JAKMIP2: variants seen among roughly 807,000 people sequenced by gnomAD.
The protein encoded by JAKMIP2 is janus kinase and microtubule interacting protein 2.
In JAKMIP2, 25 loss-of-function variants were observed where a neutral mutation model predicts 115.0. That is an observed-to-expected ratio of 0.22 (90% CI 0.16 to 0.30). The LOEUF is 0.30. Among genes scored for constraint, JAKMIP2 ranks in the 10% least tolerant of loss-of-function variants. The pLI, the probability that JAKMIP2 is intolerant of heterozygous loss-of-function variation, is 1.00. For missense variants in JAKMIP2, 642 were observed against 957.6 expected, an observed-to-expected ratio of 0.67 and a Z score of 4.35; for synonymous variants, 334 against 343.6, an observed-to-expected ratio of 0.97 and a Z score of 0.31.
intron 1 of JAKMIP2, among the ~76,000 whole-genome samples, chr5:147,781,357 A>G (rs1184002419): frequency 6.6e-6 from 1 of 152,220 alleles, no homozygotes; most frequent in Non-Finnish European, 1.5e-5. Flanking sequence ...AAATAAAATG[A>G]ATACATTTCA....
chr5:147,642,352 T>C (rs1757920444), intron 7 of JAKMIP2, among the ~76,000 whole-genome samples: 1 of 152,194 alleles, frequency 6.6e-6, no homozygotes, highest in Non-Finnish European at 1.5e-5. Flanking sequence ...CCTAGAAATA[T>C]TGATCAATTT....
chr5:147,688,748 C>T (rs896509933), intron 1 of JAKMIP2, among the ~76,000 whole-genome samples: 7 of 152,126 alleles, frequency 4.6e-5, no homozygotes, highest in African/African-American at 1.4e-4. Flanking sequence ...GCCGGTAAAG[C>T]GTTTCACATG....
At chr5:147,665,448 GA>G (rs542806021) in intron 2 of JAKMIP2, among the ~76,000 whole-genome samples, 41 of 152,278 alleles carry the variant, frequency 2.7e-4, no homozygotes, top group African/African-American at 9.4e-4. Flanking sequence ...CAAGTGATAG[GA>G]ATTTAGTCAT....
chr5:147,758,314 T>C (rs1416460352), intron 1 of JAKMIP2, among the ~76,000 whole-genome samples: 2 of 152,162 alleles, frequency 1.3e-5, no homozygotes, highest in African/African-American at 4.8e-5. Flanking sequence ...TAGTGAGCAA[T>C]AGCTAAATGC....
At chr5:147,643,308 G>T (rs1241159884) in intron 7 of JAKMIP2, among the ~76,000 whole-genome samples, 3 of 152,098 alleles carry the variant, frequency 2.0e-5, no homozygotes, top group Non-Finnish European at 4.4e-5. Context: ...CAGTGGCAGT[G>T]AATCACTTTT....
chr5:147,606,600 C>G (rs928621479), intron 20 of JAKMIP2, among the ~76,000 whole-genome samples: 16 of 152,076 alleles, frequency 1.1e-4, no homozygotes, highest in African/African-American at 3.9e-4. Context: ...GTAGTATGGT[C>G]TGAAGTCAGG....
At chr5:147,716,669 T>A (rs1478040349) in intron 1 of JAKMIP2, among the ~76,000 whole-genome samples, 4 of 149,628 alleles carry the variant, frequency 2.7e-5, no homozygotes, top group Non-Finnish European at 6.0e-5. Flanking sequence ...GTTCATGTCC[T>A]TCGCCCACTT....
intron 10 of JAKMIP2, among the ~76,000 whole-genome samples, chr5:147,638,359 T>A (rs1234675385): frequency 2.6e-5 from 4 of 152,128 alleles, no homozygotes. Flanking sequence ...CTCCTTTTTT[T>A]GGAGGAATCT....
chr5:147,671,916 C>T lies in JAKMIP2; in HGVS notation c.-110G>A. The T allele has an allele frequency of 7.3e-7, 1 of 1,360,846 alleles. No individual in the cohort carries two copies. The highest frequency in any genetic ancestry group is 9.5e-7 in the Non-Finnish European group (1 of 1,048,520). The allele number at this position is 1,360,846 out of a possible 1,614,324, so 84.3% of individuals were successfully genotyped here. ...ATGTCTCAGCATCTACTGTGTGGTG[C>T]TCCTTGGTAAGGTCTCCTCAATCGC... On this transcript the variant is annotated 5_prime_UTR_variant, in exon 2 of 22. Coordinates refer to ENST00000616793, the MANE Select transcript of JAKMIP2 (RefSeq NM_001270941.2).
At chr5:147,608,030 C>T (rs1047727842) in intron 20 of JAKMIP2, among the ~76,000 whole-genome samples, 6 of 152,110 alleles carry the variant, frequency 3.9e-5, no homozygotes, top group African/African-American at 1.4e-4. Flanking sequence ...CCCCCTTTAT[C>T]ATTTTTTATT....
At chr5:147,627,261 G>C (rs548520113) in intron 16 of JAKMIP2, among the ~76,000 whole-genome samples, 68 of 152,266 alleles carry the variant, frequency 4.5e-4, no homozygotes, top group Admixed American at 2.9e-3. Flanking sequence ...ACCTAAGGGG[G>C]CTTGGATGAA....
intron 1 of JAKMIP2, among the ~76,000 whole-genome samples, chr5:147,740,696 A>T (rs1168769084): frequency 6.6e-6 from 1 of 152,216 alleles, no homozygotes; most frequent in Non-Finnish European, 1.5e-5. Flanking sequence ...AATGAAAACT[A>T]AACTTGAAGC....
Position 147,629,675 on chromosome 5 carries a change from A to T in JAKMIP2, c.1929+18T>A. On this transcript the variant is annotated intron_variant, in intron 15 of 21. Transcript: ENST00000616793. ...TTTAGGCAAATTCATATCTATACTAAATCAATTCTTTACTTACCCCATTAT... is the reference window on the plus strand; with the variant it reads ...TTTAGGCAAATTCATATCTATACTATATCAATTCTTTACTTACCCCATTAT... 6 of 1,597,706 alleles carry T rather than the reference A, an allele frequency of 3.8e-6. No individual in the cohort carries two copies. The highest frequency in any genetic ancestry group is 2.2e-5 in the South Asian group (2 of 90,462).
chr5:147,623,884 T>A (rs572146559), intron 16 of JAKMIP2, among the ~76,000 whole-genome samples, 195 bp from the exon 17 acceptor site: 1 of 152,294 alleles, frequency 6.6e-6, no homozygotes, highest in Non-Finnish European at 1.5e-5. Context: ...TTGCCCAGGC[T>A]GGAGTGCAGT....
Position 147,594,330 on chromosome 5 carries a change from A to G in JAKMIP2, c.*21-2644T>C, listed in dbSNP as rs917556521. The G allele has an allele frequency of 2.7e-5, 10 of 369,414 alleles. No individual in the cohort carries two copies. In the East Asian group the frequency reaches 3.9e-4, roughly 14 times the overall value. The allele number at this position is 369,414 out of a possible 1,614,324, so 22.9% of individuals were successfully genotyped here. A position where few individuals can be genotyped will look rare whatever the true frequency, so the allele number is the denominator to read the frequency against. On this transcript the variant is annotated intron_variant, in intron 21 of 21. Transcript: ENST00000616793. ...CATTTTTGAGACTTTACTGCATGCTACAAATTCTTTTTTTTTCTTTTTGAT... is the reference window on the plus strand; with the variant it reads ...CATTTTTGAGACTTTACTGCATGCTGCAAATTCTTTTTTTTTCTTTTTGAT...
rs1226767201 is a variant in JAKMIP2 at position 147,671,760 on chromosome 5, A to G, written c.47T>C (p.Ile16Thr). 1.1e-5 allele frequency: 18 copies of G among 1,592,188 alleles called. No homozygotes were observed. The highest frequency in any genetic ancestry group is 1.7e-4 in the Middle Eastern group (1 of 6,030). ...RNKGEKPEAL[I>T]VALQAANEDL... ...TTCATTGGCAGCTTGAAGGGCAACA[A>G]TGAGTGCCTCGGGCTTCTCGCCCTT... The change falls in exon 2 of 22, where the codon ATT becomes ACT. Residue 16 changes from isoleucine to threonine, a missense_variant. Physicochemically the swap from Ile to Thr is moderately conservative, Grantham distance 89. Transcript: ENST00000616793.
chr5:147,641,447 A>G (rs1453709491), intron 8 of JAKMIP2, among the ~76,000 whole-genome samples: 1 of 152,218 alleles, frequency 6.6e-6, no homozygotes. Context: ...AATCCTTTCT[A>G]CATCAAACCT....
chr5:147,683,361 A>C (rs1580776060), intron 1 of JAKMIP2, among the ~76,000 whole-genome samples: 1 of 152,070 alleles, frequency 6.6e-6, no homozygotes, highest in Non-Finnish European at 1.5e-5. Context: ...GCGTGGTGGC[A>C]CCTGCCTGTA....
rs538361387 is a variant in JAKMIP2, at chr5:147,688,208, A to AGGCTATGTATCATTCATTGT, written c.-148-16274_-148-16255dup. On this transcript the variant is annotated intron_variant, in intron 1 of 21. Transcript: ENST00000616793. The stretch of plus-strand genomic sequence containing the variant: ...CAGAGCATTATGAAGATTTAACACA[A>AGGCTATGTATCATTCATTGT]GGCTATGTATCATTCATTGTCATAA... Among the ~76,000 whole-genome samples, 17 of 152,320 alleles carry AGGCTATGTATCATTCATTGT rather than the reference A, an allele frequency of 1.1e-4. No individual in the cohort carries two copies. In the South Asian group the frequency reaches 3.5e-3, roughly 32 times the overall value.
Sources: allele counts gnomAD v4.1 joint callset (sites outside exome capture counted in the v4.1 genomes callset), GRCh38; gene constraint gnomAD v4.1.1; transcripts MANE v1.5; gene names NCBI Gene and HGNC (gene_info 2026-07-23, HGNC 2026-07-21).